CERS3: variants seen among roughly 807,000 people sequenced by gnomAD.
CERS3 encodes the protein ceramide synthase 3, also known as LAG1 homolog, ceramide synthase 3.
In CERS3, 33 loss-of-function variants were observed where a neutral mutation model predicts 50.3. The observed-to-expected ratio is 0.66, with a 90% CI of 0.50 to 0.88. CERS3 has a LOEUF of 0.88. Ranked by LOEUF, CERS3 falls within the 40% of genes least tolerant of loss-of-function variation. The pLI, the probability that CERS3 is intolerant of heterozygous loss-of-function variation, is 0.00. For missense variants in CERS3, 470 were observed against 460.3 expected (o/e 1.02, Z -0.19); for synonymous variants, 176 against 155.2 (o/e 1.13, Z -0.99).
At chr15:100,478,656 ACAT>A (rs2035210608) in intron 7 of CERS3, among the ~76,000 whole-genome samples, 1 of 149,204 alleles carries the variant, frequency 6.7e-6, no homozygotes, top group Non-Finnish European at 1.5e-5. Context: ...CAATGAAATA[ACAT>A]CATTTAAAGT....
intron 11 of CERS3, among the ~76,000 whole-genome samples, chr15:100,410,409 T>A (rs2011450): frequency 6.6e-6 from 1 of 152,074 alleles, no homozygotes; most frequent in African/African-American, 2.4e-5. Flanking sequence ...AAGGGAGACC[T>A]CGTTTAGTTT....
At chr15:100,434,159 G>T (rs552947182) in intron 11 of CERS3, among the ~76,000 whole-genome samples, 1 of 152,244 alleles carries the variant, frequency 6.6e-6, no homozygotes, top group Non-Finnish European at 1.5e-5. Flanking sequence ...CGTCCTAGAA[G>T]TATGTCAGTT....
At chr15:100,494,123 A>G (rs1229666864) in intron 3 of CERS3, among the ~76,000 whole-genome samples, 1 of 150,340 alleles carries the variant, frequency 6.7e-6, no homozygotes, top group Non-Finnish European at 1.5e-5. Flanking sequence ...GGCAACTATA[A>G]AAATCAGATT....
intron 2 of CERS3, among the ~76,000 whole-genome samples, chr15:100,506,674 G>A (rs2036193804): frequency 6.6e-6 from 1 of 152,156 alleles, no homozygotes; most frequent in African/African-American, 2.4e-5. Context: ...ATGCTAAGTG[G>A]CCAGACACAG....
In CERS3 at chr15:100,400,570, ACTT is replaced by A. The variant is rs375964904; in HGVS notation, c.*2140_*2142del. 12 of 152,278 alleles carry A rather than the reference ACTT, an allele frequency of 7.9e-5. No homozygotes were observed. Among genetic ancestry groups the A allele is most frequent in the African/African-American group, 2.9e-4 (12 of 41,560 alleles). The allele number at this position is 152,278 out of a possible 1,614,324, so 9.4% of individuals were successfully genotyped here. A position where few individuals can be genotyped will look rare whatever the true frequency, so the allele number is the denominator to read the frequency against. ...AATAGTGTTACAAAAATGAGTATCT[ACTT>A]CTTATGAAGTAGTTTAGTGCTTTCA... On this transcript the variant is annotated 3_prime_UTR_variant, in exon 12 of 12. Coordinates refer to ENST00000679737, the MANE Select transcript of CERS3 (RefSeq NM_001378789.1).
intron 11 of CERS3, among the ~76,000 whole-genome samples, chr15:100,405,265 AT>A (rs2030923603): frequency 6.6e-6 from 1 of 151,664 alleles, no homozygotes; most frequent in South Asian, 2.1e-4. Context: ...AAAACCCCTA[AT>A]TTAAAAAATG....
intron 11 of CERS3, among the ~76,000 whole-genome samples, chr15:100,415,605 G>A (rs917687506): frequency 2.6e-5 from 4 of 152,186 alleles, no homozygotes; most frequent in African/African-American, 9.7e-5. Flanking sequence ...GGAATACTAT[G>A]CAGTTATAAA....
chr15:100,439,688 A>G (rs572637554), intron 11 of CERS3, among the ~76,000 whole-genome samples: 11 of 152,356 alleles, frequency 7.2e-5, no homozygotes, highest in Admixed American at 5.2e-4. Flanking sequence ...CAATGCAACT[A>G]TGCCTTCAAA....
chr15:100,460,126 T>C (rs572172338), intron 10 of CERS3, among the ~76,000 whole-genome samples: 30 of 152,372 alleles, frequency 2.0e-4, no homozygotes, highest in Non-Finnish European at 3.7e-4. Context: ...TGTCAATTGC[T>C]TATTTTATAC....
intron 11 of CERS3, among the ~76,000 whole-genome samples, chr15:100,444,395 T>A (rs1371905507): frequency 2.0e-5 from 3 of 151,836 alleles, no homozygotes; most frequent in African/African-American, 7.3e-5. Context: ...CTGACCCCCA[T>A]GACTGCATCT....
chr15:100,490,421 G>A (rs1282020199), intron 4 of CERS3, among the ~76,000 whole-genome samples: 3 of 152,074 alleles, frequency 2.0e-5, no homozygotes, highest in Non-Finnish European at 4.4e-5. Flanking sequence ...TGTGTGTAAT[G>A]TATTTTGATG....
chr15:100,434,140 G>A (rs1345098233), intron 11 of CERS3, among the ~76,000 whole-genome samples: 1 of 152,224 alleles, frequency 6.6e-6, no homozygotes, highest in Non-Finnish European at 1.5e-5. Context: ...TCCAGGCTCA[G>A]ACTGAAGACG....
chr15:100,433,258 A>G (rs975026897), intron 11 of CERS3, among the ~76,000 whole-genome samples: 2 of 151,210 alleles, frequency 1.3e-5, no homozygotes, highest in Non-Finnish European at 2.9e-5. Context: ...AAAAAATTCA[A>G]TTCAAGTACC....
intron 10 of CERS3, among the ~76,000 whole-genome samples, chr15:100,465,590 A>T (rs1481182497): frequency 6.6e-6 from 1 of 152,130 alleles, no homozygotes; most frequent in Non-Finnish European, 1.5e-5. Flanking sequence ...AACTTTCCAA[A>T]CAATGAGAAT....
chr15:100,415,713 T>C (rs2031845831), intron 11 of CERS3, among the ~76,000 whole-genome samples: 3 of 152,122 alleles, frequency 2.0e-5, no homozygotes, highest in Non-Finnish European at 4.4e-5. Flanking sequence ...CACTGCATGT[T>C]CTCACTCATA....
chr15:100,515,859 T>C (rs1176169582), intron 2 of CERS3, among the ~76,000 whole-genome samples: 1 of 152,170 alleles, frequency 6.6e-6, no homozygotes, highest in Non-Finnish European at 1.5e-5. Context: ...CTGTCAGCAT[T>C]TCCTTTCCAA....
chr15:100,498,361 A>C (rs1339276538), intron 3 of CERS3, among the ~76,000 whole-genome samples: 1 of 152,204 alleles, frequency 6.6e-6, no homozygotes, highest in African/African-American at 2.4e-5. Flanking sequence ...GAGAAGAAAG[A>C]AGCACAATAA....
At chr15:100,472,292 C>T (rs1393942) in intron 9 of CERS3, among the ~76,000 whole-genome samples, 66,950 of 151,946 alleles carry the variant, frequency 0.44, 15,253 homozygotes, top group Middle Eastern at 0.52. Flanking sequence ...CTGGGGTCAA[C>T]AAGAATCAAA....
chr15:100,517,330 T>A (rs2036520786), intron 2 of CERS3, among the ~76,000 whole-genome samples: 1 of 152,190 alleles, frequency 6.6e-6, no homozygotes, highest in Non-Finnish European at 1.5e-5. Flanking sequence ...TGCCTCCAAG[T>A]GGTACGATGG....
Sources: gnomAD v4.1 joint callset for allele counts (sites outside exome capture counted in the v4.1 genomes callset) on GRCh38, gnomAD v4.1.1 for gene constraint, MANE v1.5 for transcripts, NCBI Gene and HGNC (gene_info 2026-07-23, HGNC 2026-07-21) for gene names.